USP46: variants seen among roughly 807,000 people sequenced by gnomAD.
USP46 encodes the protein ubiquitin carboxyl-terminal hydrolase 46.
Under a neutral mutation model 44.4 loss-of-function variants are expected in USP46, and 12 were observed. The observed-to-expected ratio is 0.27, with a 90% CI of 0.17 to 0.44. The LOEUF (loss-of-function observed/expected upper bound fraction) is 0.44. Ranked by LOEUF, USP46 falls within the 20% of genes least tolerant of loss-of-function variation. USP46 has a pLI of 1.00. For missense variants in USP46, 248 were observed against 444.8 expected (o/e 0.56, Z 3.98); for synonymous variants, 155 against 161.5 (o/e 0.96, Z 0.31).
rs550289862 is a variant in USP46 at position 52,634,550 on chromosome 4, G to C, written c.37-3406C>G. ...AAAAATTCTCCTGCCTCAGCCTCCT[G>C]AGTAGCTGGGATTACAGGCATTCGC... On this transcript the variant is annotated intron_variant, in intron 1 of 8. Transcript: ENST00000441222. Among the ~76,000 whole-genome samples, 545 of 148,646 alleles carry C rather than the reference G, an allele frequency of 3.7e-3. 1 individual carries two copies. The highest frequency in any genetic ancestry group is 6.0e-3 in the Non-Finnish European group (405 of 67,412).
chr4:52,600,332 G>A (rs551187606), intron 7 of USP46, among the ~76,000 whole-genome samples: 33 of 152,218 alleles, frequency 2.2e-4, no homozygotes, highest in Non-Finnish European at 1.5e-5. Flanking sequence ...TGGAAGGGAA[G>A]GCAGGCCCAG....
intron 1 of USP46, among the ~76,000 whole-genome samples, chr4:52,639,860 G>GTTTTTT (rs34078992): frequency 4.3e-5 from 5 of 116,612 alleles, no homozygotes; most frequent in Non-Finnish European, 7.0e-5. Flanking sequence ...CCATGCCTGG[G>GTTTTTT]TTTTTTTTTT....
intron 1 of USP46, among the ~76,000 whole-genome samples, chr4:52,634,370 G>A (rs1244439568): frequency 6.6e-6 from 1 of 150,414 alleles, no homozygotes; most frequent in African/African-American, 2.4e-5. Context: ...TTGACCGGTT[G>A]TGGTGGCAGC....
At chr4:52,603,916 C>T (rs942285284) in intron 6 of USP46, among the ~76,000 whole-genome samples, 4 of 152,134 alleles carry the variant, frequency 2.6e-5, no homozygotes, top group East Asian at 1.9e-4. Flanking sequence ...AACTCCTGAC[C>T]TCAAATGATC....
chr4:52,604,874 T>C (rs1276393783), intron 5 of USP46, among the ~76,000 whole-genome samples: 2 of 152,118 alleles, frequency 1.3e-5, no homozygotes, highest in African/African-American at 4.8e-5. Context: ...CAGGCAGATA[T>C]AAATTAGGGT....
chr4:52,640,335 A>T (rs1234528224), intron 1 of USP46, among the ~76,000 whole-genome samples: 1 of 152,134 alleles, frequency 6.6e-6, no homozygotes, highest in Admixed American at 6.5e-5. Flanking sequence ...GGTGAACAAG[A>T]CCAGGCCACT....
At chr4:52,599,265 G>A (rs1716362083) in intron 7 of USP46, among the ~76,000 whole-genome samples, 2 of 151,978 alleles carry the variant, frequency 1.3e-5, no homozygotes, top group African/African-American at 4.8e-5. Context: ...GAGGGGTAGG[G>A]GTGGGGGTCA....
rs984017411 is a variant in USP46 at position 52,596,260 on chromosome 4, A to G, written c.*1380T>C. On this transcript the variant is annotated 3_prime_UTR_variant, in exon 9 of 9. Coordinates refer to ENST00000441222, the MANE Select transcript of USP46 (RefSeq NM_022832.4). Reference sequence around the variant, plus strand: ...ATCAGTGGATGCATTAGGTAACAAAAATATGTTCACAGTTTATTATAGTGT... The same window carrying G: ...ATCAGTGGATGCATTAGGTAACAAAGATATGTTCACAGTTTATTATAGTGT... The G allele has an allele frequency of 6.5e-6, 1 of 152,686 alleles. No homozygotes were observed. Among genetic ancestry groups the G allele is most frequent in the African/African-American group, 2.4e-5 (1 of 41,472 alleles). 9.5% of individuals were successfully genotyped at this position (152,686 alleles called of 1,614,324 possible). A position where few individuals can be genotyped will look rare whatever the true frequency, so the allele number is the denominator to read the frequency against.
intron 1 of USP46, among the ~76,000 whole-genome samples, chr4:52,657,035 C>A (rs1369382202): frequency 1.5e-4 from 16 of 106,666 alleles, no homozygotes; most frequent in African/African-American, 5.4e-4. Flanking sequence ...AGTGTGAGAC[C>A]TTGTCAAAAA....
In USP46 at chr4:52,627,088, C is replaced by T. The variant is rs1717623731; in HGVS notation, c.332-841G>A. On this transcript the variant is annotated intron_variant, in intron 3 of 8. Transcript: ENST00000441222. Reference sequence around the variant, plus strand: ...AAATGATTCCAGAAGCCTAGTGCTGCTCCCTGCCATAAGGACAAACAATCA... The same window carrying T: ...AAATGATTCCAGAAGCCTAGTGCTGTTCCCTGCCATAAGGACAAACAATCA... 2.0e-5 allele frequency among the ~76,000 whole-genome samples: 3 copies of T among 152,284 alleles called. No homozygotes were observed. The South Asian group carries it at 6.2e-4, about 32-fold the overall frequency.
rs1383555603 is a variant in USP46 at position 52,592,885 on chromosome 4, CTT to C, written c.*4753_*4754del. 2.5e-6 allele frequency: 1 copy of C among 398,260 alleles called. No individual in the cohort carries two copies. Among genetic ancestry groups the C allele is most frequent in the Non-Finnish European group, 4.4e-6 (1 of 226,158 alleles). 24.7% of individuals were successfully genotyped at this position (398,260 alleles called of 1,614,324 possible). On this transcript the variant is annotated 3_prime_UTR_variant, in exon 9 of 9. Coordinates refer to ENST00000441222, the MANE Select transcript of USP46 (RefSeq NM_022832.4). The stretch of plus-strand genomic sequence containing the variant: ...TGTGTAACCCCTCCCCCTTTGCTCT[CTT>C]CCTCTTGCTCCTGCCATGTAAGATG...
intron 7 of USP46, among the ~76,000 whole-genome samples, chr4:52,601,268 TA>T (rs1242078948): frequency 6.6e-6 from 1 of 152,164 alleles, no homozygotes; most frequent in African/African-American, 2.4e-5. Context: ...TATACCAAAT[TA>T]TGGAATAAAA....
At chr4:52,612,676 G>A (rs533422220) in intron 4 of USP46, among the ~76,000 whole-genome samples, 1 of 152,360 alleles carries the variant, frequency 6.6e-6, no homozygotes, top group South Asian at 2.1e-4. Flanking sequence ...CCAATCTAGA[G>A]TAAAACCCCT....
At chr4:52,650,362 T>G (rs895096208) in intron 1 of USP46, among the ~76,000 whole-genome samples, 1 of 152,224 alleles carries the variant, frequency 6.6e-6, no homozygotes. Flanking sequence ...CACGATTTTA[T>G]CCACACACAA....
At position 52,598,628 on chromosome 4, in the gene USP46, C is replaced by T. The variant is rs778645321; in HGVS notation, c.999G>A (p.Glu333=). 6.2e-7 allele frequency: 1 copy of T among 1,608,644 alleles called. No individual in the cohort carries two copies. The change falls in exon 8 of 9, where the codon GAG becomes GAA. Residue 333 remains glutamate, a splice_region_variant and synonymous_variant. Transcript: ENST00000441222. The part of the protein sequence containing the change: ...FWLLFDDDIV[E]KIDAQAIEEF... Reference sequence around the variant, plus strand: ...ACTGGAGAATAATCTGCAAACCAACCTCTACAATGTCATCATCAAACAAAA... The same window carrying T: ...ACTGGAGAATAATCTGCAAACCAACTTCTACAATGTCATCATCAAACAAAA...
chr4:52,637,197 T>C (rs932348505), intron 1 of USP46, among the ~76,000 whole-genome samples: 1 of 152,192 alleles, frequency 6.6e-6, no homozygotes, highest in Non-Finnish European at 1.5e-5. Flanking sequence ...CCTCACTTCA[T>C]CACTGTTGAG....
At chr4:52,613,782 A>T (rs1022198965) in intron 4 of USP46, among the ~76,000 whole-genome samples, 1 of 152,026 alleles carries the variant, frequency 6.6e-6, no homozygotes, top group Non-Finnish European at 1.5e-5. Flanking sequence ...CTGCCACTTA[A>T]CATTCTCAAT....
chr4:52,637,318 C>T (rs573478551), intron 1 of USP46, among the ~76,000 whole-genome samples: 4 of 152,290 alleles, frequency 2.6e-5, no homozygotes, highest in East Asian at 3.9e-4. Context: ...CACATGGCTT[C>T]AATCAGCTGC....
chr4:52,632,989 GA>G (rs753178157), intron 1 of USP46, among the ~76,000 whole-genome samples: 2,018 of 30,706 alleles, frequency 0.066, 79 homozygotes, highest in African/African-American at 0.15. Context: ...AGAAAGAAAA[GA>G]AAAGAAAGAA....
Sources: allele counts gnomAD v4.1 joint callset (sites outside exome capture counted in the v4.1 genomes callset), GRCh38; gene constraint gnomAD v4.1.1; transcripts MANE v1.5; gene names NCBI Gene and HGNC (gene_info 2026-07-23, HGNC 2026-07-21).